The following C3orf33 variants were observed in gnomAD, a reference collection of about 807,000 sequenced individuals.
C3orf33 encodes mitochondrial inner membrane subdomain organizer 1, also known as AP-1 activity suppressor.
Under a neutral mutation model 28.7 loss-of-function variants are expected in C3orf33, and 23 were observed. That is an observed-to-expected ratio of 0.80 (90% confidence interval 0.58 to 1.13). The LOEUF is 1.13. C3orf33 is among the 50% of genes most tolerant of loss of function. C3orf33 has a pLI of 0.00. For missense variants in C3orf33, 327 were observed against 353.4 expected, an observed-to-expected ratio of 0.93 and a Z score of 0.60; for synonymous variants, 119 against 120.5, an observed-to-expected ratio of 0.99 and a Z score of 0.08.
chr3:155,763,881 A>G lies in C3orf33; in HGVS notation c.521T>C (p.Leu174Ser). 6.7e-7 allele frequency: 1 copy of G among 1,498,734 alleles called. No homozygotes were observed. Among genetic ancestry groups the G allele is most frequent in the Non-Finnish European group, 8.9e-7 (1 of 1,128,698 alleles). 92.8% of individuals were successfully genotyped at this position (1,498,734 alleles called of 1,614,324 possible). The change falls in exon 5 of 5, where the codon TTG becomes TCG. Residue 174 changes from leucine (L) to serine (S), a missense_variant. By Grantham distance (145) the Leu-to-Ser change is moderately radical. Transcript: ENST00000340171. ...YFSVNLNEEI[L>S]RRGLGKTVLV... Reference sequence around the variant, plus strand: ...AACAGTTTTGCCAAGGCCTCTTCTCAAAATTTCTTCATTCAGATTCACGCT... The same window carrying G: ...AACAGTTTTGCCAAGGCCTCTTCTCGAAATTTCTTCATTCAGATTCACGCT...
chr3:155,771,208 C>T (rs371904734), intron 3 of C3orf33, among the ~76,000 whole-genome samples: 177 of 152,072 alleles, frequency 1.2e-3, no homozygotes, highest in African/African-American at 3.8e-3. Context: ...CAGGCTCAAG[C>T]GATCCTCCCA....
chr3:155,784,417 CAATACACAGAAAAGGAAATAA>C (rs957856444), intron 2 of C3orf33, among the ~76,000 whole-genome samples: 1 of 151,882 alleles, frequency 6.6e-6, no homozygotes, highest in African/African-American at 2.4e-5. Flanking sequence ...AATAGTTATG[CAATACACAGAAAAGGAAATAA>C]TATAAAATTA....
intron 2 of C3orf33, among the ~76,000 whole-genome samples, chr3:155,794,534 C>T (rs2109276675): frequency 6.6e-6 from 1 of 151,814 alleles, no homozygotes; most frequent in South Asian, 2.1e-4. Context: ...TAAGTCATTA[C>T]TTATCAATAA....
chr3:155,770,880 G>A (rs1471019066), intron 3 of C3orf33, among the ~76,000 whole-genome samples: 4 of 151,968 alleles, frequency 2.6e-5, no homozygotes, highest in Non-Finnish European at 4.4e-5. Flanking sequence ...TGCCGTATTT[G>A]CCAGGCTGGT....
chr3:155,778,911 T>C (rs1577420261), intron 2 of C3orf33, among the ~76,000 whole-genome samples: 1 of 152,280 alleles, frequency 6.6e-6, no homozygotes, highest in East Asian at 1.9e-4. Context: ...GAATGGCTGG[T>C]TGTTTGGAAG....
At chr3:155,775,575 G>T in intron 3 of C3orf33, 126 bp downstream of exon 3, 1 of 556,496 alleles carries the variant, frequency 1.8e-6, no homozygotes, top group Admixed American at 4.2e-5. Context: ...GCCAAGAATT[G>T]AGACTTTCTC....
intron 1 of C3orf33, 28 bp from the exon 2 acceptor site, chr3:155,802,619 C>G: frequency 6.5e-7 from 1 of 1,543,054 alleles, no homozygotes; most frequent in African/African-American, 1.4e-5. Flanking sequence ...AGGGTTAACC[C>G]TCACTAATTA....
intron 2 of C3orf33, among the ~76,000 whole-genome samples, chr3:155,792,326 G>A (rs113440525): frequency 2.6e-5 from 4 of 152,084 alleles, no homozygotes; most frequent in African/African-American, 9.7e-5. Context: ...CAACACCCAA[G>A]TGCATTCAAA....
At chr3:155,781,540 C>T (rs922564669) in intron 2 of C3orf33, among the ~76,000 whole-genome samples, 5 of 152,058 alleles carry the variant, frequency 3.3e-5, no homozygotes, top group African/African-American at 1.2e-4. Flanking sequence ...GAGGCCAAGG[C>T]AGGCAGATCA....
chr3:155,772,237 G>T (rs1750614724), intron 3 of C3orf33, among the ~76,000 whole-genome samples: 1 of 151,910 alleles, frequency 6.6e-6, no homozygotes, highest in Admixed American at 6.6e-5. Flanking sequence ...GTGGGACTTG[G>T]ATGTTTCAAA....
chr3:155,800,480 T>C (rs1021023511), intron 2 of C3orf33, among the ~76,000 whole-genome samples: 2 of 151,408 alleles, frequency 1.3e-5, no homozygotes, highest in African/African-American at 4.8e-5. Context: ...GGCAGGTGCC[T>C]TTAGTCCTAA....
At chr3:155,768,168 C>T (rs1410811286) in intron 3 of C3orf33, among the ~76,000 whole-genome samples, 2 of 152,214 alleles carry the variant, frequency 1.3e-5, no homozygotes, top group African/African-American at 2.4e-5. Flanking sequence ...GCGTGAGTCA[C>T]CACGCCCAGC....
At chr3:155,770,272 C>T (rs1750540080) in intron 3 of C3orf33, among the ~76,000 whole-genome samples, 1 of 152,190 alleles carries the variant, frequency 6.6e-6, no homozygotes, top group African/African-American at 2.4e-5. Context: ...CAAATGAGCA[C>T]AGGGTCCAGA....
chr3:155,783,746 C>G (rs552637339), intron 2 of C3orf33, among the ~76,000 whole-genome samples: 44 of 152,274 alleles, frequency 2.9e-4, no homozygotes, highest in African/African-American at 1.0e-3. Flanking sequence ...GCATTACAGG[C>G]ATAAGCCACC....
intron 2 of C3orf33, among the ~76,000 whole-genome samples, chr3:155,794,938 A>C (rs1751433792): frequency 6.6e-6 from 1 of 152,220 alleles, no homozygotes; most frequent in African/African-American, 2.4e-5. Flanking sequence ...AGAGCTAAAG[A>C]GATAGGTCCC....
At chr3:155,798,200 A>G (rs1751536105) in intron 2 of C3orf33, among the ~76,000 whole-genome samples, 1 of 152,230 alleles carries the variant, frequency 6.6e-6, no homozygotes, top group Non-Finnish European at 1.5e-5. Context: ...CATATTACCC[A>G]AAGCAATCTA....
intron 2 of C3orf33, among the ~76,000 whole-genome samples, chr3:155,784,670 G>A (rs750146466): frequency 1.3e-5 from 2 of 151,868 alleles, no homozygotes; most frequent in African/African-American, 2.4e-5. Context: ...AATCCGGGAG[G>A]TGCCGAGATG....
At chr3:155,777,885 T>C (rs1475933890) in intron 2 of C3orf33, among the ~76,000 whole-genome samples, 2 of 151,946 alleles carry the variant, frequency 1.3e-5, no homozygotes, top group African/African-American at 4.8e-5. Context: ...GATGCGATGG[T>C]TCATACCTGT....
chr3:155,793,834 A>AAAAAAAAAAAAAAAAC (rs778070795), intron 2 of C3orf33, among the ~76,000 whole-genome samples: 2 of 146,496 alleles, frequency 1.4e-5, no homozygotes, highest in Non-Finnish European at 3.0e-5. Flanking sequence ...AAAACTAAAA[A>AAAAAAAAAAAAAAAAC]AACTAAAAAA....
Sources: gnomAD v4.1 joint callset for allele counts (sites outside exome capture counted in the v4.1 genomes callset) on GRCh38, gnomAD v4.1.1 for gene constraint, MANE v1.5 for transcripts, NCBI Gene and HGNC (gene_info 2026-07-23, HGNC 2026-07-21) for gene names.